The following SCNN1B variants were observed in gnomAD, a reference collection of about 807,000 sequenced individuals.
SCNN1B encodes sodium channel epithelial 1 subunit beta, also known as epithelial sodium channel subunit beta.
In SCNN1B, 46 loss-of-function variants were observed where a neutral mutation model predicts 65.3. That is an observed-to-expected ratio of 0.70 (90% CI 0.56 to 0.90). SCNN1B has a LOEUF of 0.90. SCNN1B is among the 40% of genes least tolerant of loss of function. The probability of loss-of-function intolerance (pLI) is 0.00; values close to 1 mark genes in which losing one functional copy is unlikely to be tolerated. For missense variants in SCNN1B, 751 were observed against 830.5 expected, an observed-to-expected ratio of 0.90 and a Z score of 1.18; for synonymous variants, 349 against 330.6, an observed-to-expected ratio of 1.06 and a Z score of -0.60.
At chr16:23,343,642 AG>A (rs1396566651) in intron 1 of SCNN1B, among the ~76,000 whole-genome samples, 9 of 135,616 alleles carry the variant, frequency 6.6e-5, no homozygotes, top group Non-Finnish European at 9.6e-5. Context: ...AAAGAAAGAA[AG>A]AAAGAAAAAA....
At position 23,380,474 on chromosome 16, in the gene SCNN1B, C is replaced by A; in HGVS notation, c.1596C>A (p.Gly532=). 6.2e-7 allele frequency: 1 copy of A among 1,614,242 alleles called. No homozygotes were observed. The highest frequency in any genetic ancestry group is 8.5e-7 in the Non-Finnish European group (1 of 1,180,038). ...GCCAGTTTGGCTTCTGGATGGGGGG[C>A]TCTGTGCTGTGCCTCATCGAGTTTG... is the stretch of plus-strand genomic sequence containing the variant. ...LGGQFGFWMG[G]SVLCLIEFGE... is the part of the protein sequence containing the mutation. Residue 532 remains glycine, a synonymous_variant, in exon 13 of 13, where the codon GGC becomes GGA. Transcript: ENST00000343070. The surrounding 1 kb of genome is among the most constrained non-coding windows in gnomAD (Gnocchi z 5.4).
At chr16:23,356,705 T>G (rs935196282) in intron 4 of SCNN1B, among the ~76,000 whole-genome samples, 1 of 152,102 alleles carries the variant, frequency 6.6e-6, no homozygotes, top group Non-Finnish European at 1.5e-5. Flanking sequence ...TAACAACCTT[T>G]AATATGAGAG....
intron 2 of SCNN1B, among the ~76,000 whole-genome samples, chr16:23,286,563 A>G (rs895597079): frequency 4.6e-5 from 7 of 152,278 alleles, no homozygotes; most frequent in Non-Finnish European, 1.0e-4. Flanking sequence ...ATTCTTGCCG[A>G]TAACGTGTAG....
At chr16:23,303,239 C>G (rs1223358005) in intron 1 of SCNN1B, among the ~76,000 whole-genome samples, 1 of 152,104 alleles carries the variant, frequency 6.6e-6, no homozygotes, top group Non-Finnish European at 1.5e-5. Context: ...AGGGAGGAAG[C>G]AGCAGAGACC....
intron 1 of SCNN1B, among the ~76,000 whole-genome samples, chr16:23,341,091 A>G (rs1165292528): frequency 6.6e-6 from 1 of 152,092 alleles, no homozygotes; most frequent in African/African-American, 2.4e-5. Flanking sequence ...CTAGAGGTTA[A>G]TTGACATCTT....
At chr16:23,311,011 G>A (rs1028509915) in intron 1 of SCNN1B, among the ~76,000 whole-genome samples, 5 of 152,250 alleles carry the variant, frequency 3.3e-5, no homozygotes, top group African/African-American at 9.6e-5. Flanking sequence ...GAATGGCCTA[G>A]GCCAGTGGTC....
At chr16:23,363,565 C>A (rs191111350) in intron 4 of SCNN1B, among the ~76,000 whole-genome samples, 1 of 152,314 alleles carries the variant, frequency 6.6e-6, no homozygotes, top group Non-Finnish European at 1.5e-5. Context: ...ATAATCCCAG[C>A]ATTTAGGGAG....
intron 7 of SCNN1B, chr16:23,372,130 G>A: frequency 1.8e-6 from 1 of 570,274 alleles, no homozygotes; most frequent in African/African-American, 1.9e-5. Flanking sequence ...GGGATTATGG[G>A]GATCTTACTC....
rs143095049 is a variant in SCNN1B, at chr16:23,356,322, G to A, written c.776+833G>A. 3.1e-4 allele frequency among the ~76,000 whole-genome samples: 47 copies of A among 152,048 alleles called. No individual in the cohort carries two copies. In the East Asian group the frequency reaches 7.2e-3, roughly 23 times the overall value. On this transcript the variant is annotated intron_variant, in intron 4 of 12. Coordinates refer to ENST00000343070, the MANE Select transcript of SCNN1B (RefSeq NM_000336.3). ...AGAGTAAATGAGTAAGTTCATGGCA[G>A]CACCTAGAACAAGGCTATGAGGCTG...
intron 1 of SCNN1B, among the ~76,000 whole-genome samples, chr16:23,332,589 C>A (rs1295813756): frequency 1.3e-5 from 2 of 152,126 alleles, no homozygotes; most frequent in Admixed American, 6.5e-5. Context: ...CTTTGGCTTC[C>A]CAAGGTGCTG....
At chr16:23,322,075 C>A (rs1339228730) in intron 1 of SCNN1B, among the ~76,000 whole-genome samples, 1 of 152,022 alleles carries the variant, frequency 6.6e-6, no homozygotes, top group Non-Finnish European at 1.5e-5. Context: ...GTAAACTGCC[C>A]CGACACAAAC....
chr16:23,375,723 C>G lies in SCNN1B; in HGVS notation c.1153-15C>G. On this transcript the variant is annotated splice_polypyrimidine_tract_variant and intron_variant, in intron 7 of 12. Transcript: ENST00000343070. ...TGCCTGTGTTCTCTCCTTATGAACC[C>G]CCTACCCTCCCCAGGCCTGTCTTCG... 1 of 1,582,700 alleles carries G rather than the reference C, an allele frequency of 6.3e-7. No homozygotes were observed. Among genetic ancestry groups the G allele is most frequent in the Non-Finnish European group, 8.7e-7 (1 of 1,151,378 alleles).
At chr16:23,313,727 C>T (rs1311368017) in intron 1 of SCNN1B, among the ~76,000 whole-genome samples, 10 of 152,028 alleles carry the variant, frequency 6.6e-5, no homozygotes, top group African/African-American at 1.9e-4. Context: ...TTCTCCTGCC[C>T]CAGCCTCCCA....
chr16:23,314,787 C>A (rs942147360), intron 1 of SCNN1B, among the ~76,000 whole-genome samples: 1 of 152,240 alleles, frequency 6.6e-6, no homozygotes, highest in Non-Finnish European at 1.5e-5. Context: ...GCCTTCAGGG[C>A]GCCACATTCC....
At chr16:23,362,800 A>G (rs942802652) in intron 4 of SCNN1B, among the ~76,000 whole-genome samples, 2 of 152,206 alleles carry the variant, frequency 1.3e-5, no homozygotes, top group African/African-American at 4.8e-5. Context: ...CTGTGTCCCC[A>G]TGCCCTGGGG....
At chr16:23,332,998 G>T (rs1382642428) in intron 1 of SCNN1B, among the ~76,000 whole-genome samples, 2 of 152,050 alleles carry the variant, frequency 1.3e-5, no homozygotes, top group Non-Finnish European at 2.9e-5. Flanking sequence ...TTGAACCTGG[G>T]GGGCAGAGGT....
intron 1 of SCNN1B, among the ~76,000 whole-genome samples, chr16:23,281,870 T>C (rs74925824): frequency 8.1e-4 from 124 of 152,258 alleles, no homozygotes; most frequent in African/African-American, 2.8e-3. Context: ...TGTGCTTGTT[T>C]ATATGTGGAA....
chr16:23,289,839 T>C (rs781346463), intron 2 of SCNN1B, among the ~76,000 whole-genome samples: 5 of 151,306 alleles, frequency 3.3e-5, no homozygotes, highest in Non-Finnish European at 7.4e-5. Context: ...CCACGCCTGG[T>C]TAATTTTTGT....
intron 11 of SCNN1B, 135 bp from the exon 12 acceptor site, chr16:23,379,959 T>C: frequency 1.3e-6 from 1 of 758,606 alleles, no homozygotes; most frequent in East Asian, 2.6e-5. Context: ...TGCACGGGTG[T>C]GTGGGTACAT....
Sources: gnomAD v4.1 joint callset for allele counts (sites outside exome capture counted in the v4.1 genomes callset) on GRCh38, gnomAD v4.1.1 for gene constraint, Gnocchi (gnomAD v3.1) non-coding constraint, MANE v1.5 for transcripts, NCBI Gene and HGNC (gene_info 2026-07-23, HGNC 2026-07-21) for gene names.